EXOC4: variants seen among roughly 807,000 people sequenced by gnomAD.
EXOC4 encodes exocyst complex component 4.
A neutral mutation model predicts 107.2 loss-of-function variants in EXOC4; 71 were observed. The ratio of observed to expected loss-of-function variants is 0.66; its 90% CI spans 0.55 to 0.81. The LOEUF is 0.81. Among genes scored for constraint, EXOC4 ranks in the 30% least tolerant of loss-of-function variants. The pLI is 0.00. For missense variants in EXOC4, 1,108 were observed against 1,189.6 expected, an observed-to-expected ratio of 0.93 and a Z score of 1.01; for synonymous variants, 456 against 441.2, an observed-to-expected ratio of 1.03 and a Z score of -0.42.
chr7:133,542,357 T>C (rs1004088037), intron 9 of EXOC4, among the ~76,000 whole-genome samples: 11 of 152,152 alleles, frequency 7.2e-5, no homozygotes, highest in Non-Finnish European at 1.3e-4. Flanking sequence ...CCTGTGTGTC[T>C]CTAGATTCTT....
At chr7:133,686,526 C>G (rs1056921049) in intron 10 of EXOC4, among the ~76,000 whole-genome samples, 1 of 151,944 alleles carries the variant, frequency 6.6e-6, no homozygotes, top group African/African-American at 2.4e-5. Context: ...TCAGGCCTCC[C>G]AAAAAAGTAT....
At chr7:133,317,668 G>A (rs1335449491) in intron 5 of EXOC4, among the ~76,000 whole-genome samples, 2 of 152,042 alleles carry the variant, frequency 1.3e-5, no homozygotes, top group East Asian at 1.9e-4. Context: ...GACCAGCACT[G>A]TTTTTCTTTC....
intron 7 of EXOC4, among the ~76,000 whole-genome samples, chr7:133,423,437 C>A (rs1207402673): frequency 6.6e-6 from 1 of 152,200 alleles, no homozygotes; most frequent in Non-Finnish European, 1.5e-5. Flanking sequence ...ATAGCACTCT[C>A]TATCTTACTT....
intron 9 of EXOC4, among the ~76,000 whole-genome samples, chr7:133,552,538 C>T (rs2085047858): frequency 6.6e-6 from 1 of 152,146 alleles, no homozygotes; most frequent in South Asian, 2.1e-4. Flanking sequence ...CTATATTAGG[C>T]ATTACCTCCT....
At chr7:133,855,114 A>AT (rs1798336656) in intron 11 of EXOC4, among the ~76,000 whole-genome samples, 1 of 91,494 alleles carries the variant, frequency 1.1e-5, no homozygotes, top group African/African-American at 5.4e-5. Flanking sequence ...AATATATATA[A>AT]ATATATATAT....
intron 9 of EXOC4, among the ~76,000 whole-genome samples, chr7:133,539,161 T>C (rs1800333894): frequency 6.6e-6 from 1 of 152,048 alleles, no homozygotes; most frequent in African/African-American, 2.4e-5. Context: ...CACACATACA[T>C]GTCTTATATT....
chr7:133,877,230 C>T (rs1287172071), intron 11 of EXOC4, among the ~76,000 whole-genome samples: 3 of 152,082 alleles, frequency 2.0e-5, no homozygotes, highest in Non-Finnish European at 2.9e-5. Flanking sequence ...TTTTAACCTC[C>T]TTGTCTATTA....
chr7:133,417,609 A>G (rs917613384), intron 7 of EXOC4, among the ~76,000 whole-genome samples: 4 of 152,148 alleles, frequency 2.6e-5, no homozygotes, highest in Admixed American at 6.5e-5. Flanking sequence ...ATCTAAGACA[A>G]TTGGGGAACA....
At chr7:133,458,970 A>C (rs376237106) in intron 7 of EXOC4, among the ~76,000 whole-genome samples, 13 of 150,016 alleles carry the variant, frequency 8.7e-5, no homozygotes, top group East Asian at 6.0e-4. Flanking sequence ...AAATCTGATT[A>C]ACAACTTTTA....
chr7:133,969,385 G>C (rs1801147481), intron 14 of EXOC4, among the ~76,000 whole-genome samples: 1 of 152,184 alleles, frequency 6.6e-6, no homozygotes. Context: ...TTCCCTTGCT[G>C]ATGATGAGTT....
intron 9 of EXOC4, among the ~76,000 whole-genome samples, chr7:133,542,169 TTGTGTG>T (rs3046171): frequency 4.1e-5 from 6 of 147,150 alleles, no homozygotes; most frequent in African/African-American, 5.0e-5. Flanking sequence ...AAATTTTATC[TTGTGTG>T]TGTGTGTGTG....
chr7:133,570,769 C>G (rs1488301649), intron 9 of EXOC4, among the ~76,000 whole-genome samples: 1 of 152,172 alleles, frequency 6.6e-6, no homozygotes, highest in African/African-American at 2.4e-5. Context: ...GTGACTCACT[C>G]TACCTAGAGG....
chr7:133,515,774 T>C (rs1418265244), intron 9 of EXOC4, among the ~76,000 whole-genome samples: 1 of 152,326 alleles, frequency 6.6e-6, no homozygotes, highest in Non-Finnish European at 1.5e-5. Flanking sequence ...TGACCGGCAC[T>C]GATTTTTTTA....
At chr7:133,268,463 C>T (rs939539445) in intron 1 of EXOC4, among the ~76,000 whole-genome samples, 27 of 151,992 alleles carry the variant, frequency 1.8e-4, no homozygotes, top group African/African-American at 6.5e-4. Context: ...TTTATTTGAT[C>T]TTTCTTTTGT....
intron 9 of EXOC4, among the ~76,000 whole-genome samples, chr7:133,532,207 C>T (rs1261223893): frequency 6.6e-6 from 1 of 151,916 alleles, no homozygotes; most frequent in Non-Finnish European, 1.5e-5. Context: ...GTTGGGGAAG[C>T]CAGTAATTCC....
chr7:133,825,033 T>C (rs1345426766), intron 11 of EXOC4, among the ~76,000 whole-genome samples: 1 of 151,866 alleles, frequency 6.6e-6, no homozygotes, highest in Non-Finnish European at 1.5e-5. Context: ...CCTTGACGAC[T>C]CTCTGGCAGG....
At chr7:133,525,024 A>C (rs1800053391) in intron 9 of EXOC4, among the ~76,000 whole-genome samples, 2 of 152,186 alleles carry the variant, frequency 1.3e-5, no homozygotes, top group Non-Finnish European at 2.9e-5. Context: ...GTGCATTTGA[A>C]ATCCTTTCTT....
At chr7:133,526,969 TCAAAAACAAAAA>T (rs144430029) in intron 9 of EXOC4, among the ~76,000 whole-genome samples, 6 of 151,850 alleles carry the variant, frequency 4.0e-5, no homozygotes, top group Admixed American at 6.6e-5. Context: ...AGACTCCGTC[TCAAAAACAAAAA>T]CAAAAACAAA....
chr7:133,473,485 G>A (rs1004730704), intron 7 of EXOC4, among the ~76,000 whole-genome samples: 15 of 152,072 alleles, frequency 9.9e-5, no homozygotes, highest in Non-Finnish European at 1.5e-5. Context: ...ATTTACTATT[G>A]TTGTATTCTC....
Sources: allele counts gnomAD v4.1 joint callset (sites outside exome capture counted in the v4.1 genomes callset), GRCh38; gene constraint gnomAD v4.1.1; transcripts MANE v1.5; gene names NCBI Gene and HGNC (gene_info 2026-07-23, HGNC 2026-07-21).